The following POLR3B variants were observed in gnomAD, a reference collection of about 807,000 sequenced individuals.
The protein encoded by POLR3B is RNA polymerase III subunit B, also known as DNA-directed RNA polymerase III subunit RPC2.
POLR3B carries 96 observed loss-of-function variants against 147.4 expected under a neutral mutation model. That is an observed-to-expected ratio of 0.65 (90% confidence interval 0.55 to 0.77). The LOEUF (loss-of-function observed/expected upper bound fraction) is 0.77, where lower values mean the gene tolerates loss of function less well. Ranked by LOEUF, POLR3B falls within the 30% of genes least tolerant of loss-of-function variation. The pLI is 0.00. For synonymous variants in POLR3B, 461 were observed against 485.9 expected (o/e 0.95, Z 0.67); for missense variants, 1,036 against 1,413.5 (o/e 0.73, Z 4.28).
chr12:106,438,492 C>CATGT (rs1452782653), intron 18 of POLR3B, among the ~76,000 whole-genome samples: 3 of 150,742 alleles, frequency 2.0e-5, no homozygotes, highest in East Asian at 3.9e-4. Flanking sequence ...TATATAAAAC[C>CATGT]ATATATATGT....
intron 19 of POLR3B, among the ~76,000 whole-genome samples, chr12:106,447,043 C>T (rs2037733803): frequency 6.6e-6 from 1 of 152,184 alleles, no homozygotes. Flanking sequence ...ACAACTAAAA[C>T]TCATACTCTA....
At position 106,457,125 on chromosome 12, in the gene POLR3B, G is replaced by C. The variant is rs193222182; in HGVS notation, c.2294-13G>C. 5.0e-4 allele frequency: 800 copies of C among 1,610,346 alleles called. 5 individuals carry two copies. The African/African-American group carries it at 9.5e-3, about 19-fold the overall frequency. ...TACTGGTGGTTCTAATGCCCATCTT[G>C]GTTTCATTTTAGGCTTTGGGCGTTG... On this transcript the variant is annotated splice_polypyrimidine_tract_variant and intron_variant, in intron 20 of 27. Transcript: ENST00000228347.
chr12:106,496,559 G>A, intron 24 of POLR3B, 193 bp from the exon 25 acceptor site: 1 of 616,976 alleles, frequency 1.6e-6, no homozygotes. Flanking sequence ...GTAAAATGAA[G>A]AAATATAGGA....
intron 10 of POLR3B, among the ~76,000 whole-genome samples, chr12:106,401,151 G>A (rs988167823): frequency 3.9e-5 from 6 of 152,114 alleles, no homozygotes; most frequent in East Asian, 1.9e-4. Flanking sequence ...TATCACCAGC[G>A]ATCCCACAGA....
At chr12:106,455,848 G>C (rs572509081) in intron 20 of POLR3B, among the ~76,000 whole-genome samples, 4 of 152,174 alleles carry the variant, frequency 2.6e-5, no homozygotes, top group African/African-American at 7.2e-5. Context: ...TTCATCTGAC[G>C]TCCAATTTTA....
intron 4 of POLR3B, among the ~76,000 whole-genome samples, chr12:106,368,241 A>T (rs1002285795): frequency 6.6e-6 from 1 of 151,658 alleles, no homozygotes; most frequent in African/African-American, 2.4e-5. Flanking sequence ...CCAGATTGGG[A>T]ATCCAAGGAG....
At chr12:106,495,883 CT>C (rs2038473037) in intron 23 of POLR3B, 171 bp from the exon 24 acceptor site, 2 of 694,688 alleles carry the variant, frequency 2.9e-6, no homozygotes, top group Non-Finnish European at 5.3e-6. Context: ...CGTTTTTGAA[CT>C]GTTTGTCAAG....
intron 6 of POLR3B, among the ~76,000 whole-genome samples, chr12:106,373,273 T>A (rs1020933468): frequency 6.6e-6 from 1 of 152,224 alleles, no homozygotes; most frequent in Non-Finnish European, 1.5e-5. Context: ...TGATATTAGG[T>A]GCATAGAAGT....
At chr12:106,389,354 G>A (rs2036884051) in intron 9 of POLR3B, among the ~76,000 whole-genome samples, 1 of 152,194 alleles carries the variant, frequency 6.6e-6, no homozygotes, top group Non-Finnish European at 1.5e-5. Context: ...CACATATGGT[G>A]TCATTTACCA....
chr12:106,398,868 C>A (rs540926867), intron 10 of POLR3B, among the ~76,000 whole-genome samples: 1 of 152,220 alleles, frequency 6.6e-6, no homozygotes, highest in South Asian at 2.1e-4. Flanking sequence ...GTAGATGAAA[C>A]CACAAAGATG....
intron 21 of POLR3B, among the ~76,000 whole-genome samples, chr12:106,458,990 C>T (rs1049626827): frequency 3.3e-5 from 5 of 151,982 alleles, no homozygotes; most frequent in South Asian, 4.2e-4. Context: ...TCATGTAGTA[C>T]TCTGAATTAT....
intron 26 of POLR3B, 124 bp from the exon 27 acceptor site, chr12:106,503,957 A>G: frequency 1.2e-6 from 1 of 858,520 alleles, no homozygotes; most frequent in Non-Finnish European, 2.0e-6. Flanking sequence ...GTCCCTGTCC[A>G]GTTATTGATT....
chr12:106,461,864 A>G (rs1027085093), intron 22 of POLR3B, among the ~76,000 whole-genome samples: 1 of 152,076 alleles, frequency 6.6e-6, no homozygotes, highest in Admixed American at 6.6e-5. Flanking sequence ...CCTCATCTGG[A>G]CAAGCTCCCC....
chr12:106,430,144 T>C (rs1242216440), intron 13 of POLR3B, 129 bp from the exon 14 acceptor site: 2 of 766,460 alleles, frequency 2.6e-6, no homozygotes, highest in Non-Finnish European at 4.7e-6. Flanking sequence ...CTTTGATTTC[T>C]GAATATATGT....
intron 10 of POLR3B, among the ~76,000 whole-genome samples, chr12:106,399,368 G>C (rs2037028748): frequency 6.6e-6 from 1 of 152,228 alleles, no homozygotes; most frequent in Admixed American, 6.5e-5. Flanking sequence ...ACCTGAAAGT[G>C]ACAGGGAGAA....
intron 22 of POLR3B, among the ~76,000 whole-genome samples, chr12:106,460,208 A>G (rs1459033328): frequency 6.6e-6 from 1 of 152,232 alleles, no homozygotes; most frequent in Admixed American, 6.5e-5. Flanking sequence ...GCAATGAGTC[A>G]TATTTAGTTG....
chr12:106,433,741 A>G lies in POLR3B; in HGVS notation c.1650A>G (p.Arg550=). The G allele has an allele frequency of 6.2e-7, 1 of 1,613,574 alleles. No homozygotes were observed. Among genetic ancestry groups the G allele is most frequent in the South Asian group, 1.1e-5 (1 of 91,078 alleles). Residue 550 remains arginine, a synonymous_variant, in exon 16 of 28, where the codon CGA becomes CGG. Coordinates refer to ENST00000228347, the MANE Select transcript of POLR3B (RefSeq NM_018082.6). ...TAGGTAACATCTTAGGTGTCATTCG[A>G]GACCACAAAAAGCTAGTGAATACAT... ...FLNGNILGVI[R]DHKKLVNTFR...
At position 106,430,377 on chromosome 12, in the gene POLR3B, T is replaced by C. The variant is rs140483599; in HGVS notation, c.1368T>C (p.Ser456=). The change falls in exon 14 of 28, where the codon TCT becomes TCC. Residue 456 remains serine (S), a synonymous_variant. Coordinates refer to ENST00000228347, the MANE Select transcript of POLR3B (RefSeq NM_018082.6). ...ISALGMMTRI[S]SQFEKTRKVS... ...CACTGGGCATGATGACAAGAATCTC[T>C]TCCCAGTTTGAAAAAACGAGAAAAG... The C allele has an allele frequency of 1.2e-5, 20 of 1,613,950 alleles. No homozygotes were observed. The highest frequency in any genetic ancestry group is 2.7e-5 in the African/African-American group (2 of 74,930).
At chr12:106,398,280 G>C (rs533516501) in intron 10 of POLR3B, among the ~76,000 whole-genome samples, 14 of 152,294 alleles carry the variant, frequency 9.2e-5, no homozygotes, top group Admixed American at 7.2e-4. Flanking sequence ...CAGCGAGGCT[G>C]GGGGAGGGGC....
Sources: allele counts gnomAD v4.1 joint callset (sites outside exome capture counted in the v4.1 genomes callset), GRCh38; gene constraint gnomAD v4.1.1; transcripts MANE v1.5; gene names NCBI Gene and HGNC (gene_info 2026-07-23, HGNC 2026-07-21).